Variants in GPR55 observed in about 807,000 individuals in gnomAD.
GPR55 encodes G-protein coupled receptor 55.
Under a neutral mutation model 7.9 loss-of-function variants are expected in GPR55, and 6 were observed. That is an observed-to-expected ratio of 0.76 (90% CI 0.41 to 1.49). The LOEUF is 1.49. Ranked by LOEUF, GPR55 falls within the 40% of genes most tolerant of loss-of-function variation. The probability of loss-of-function intolerance (pLI) is 0.01; values close to 1 mark genes in which losing one functional copy is unlikely to be tolerated. For synonymous variants in GPR55, 183 were observed against 166.8 expected, an observed-to-expected ratio of 1.10 and a Z score of -0.75; for missense variants, 376 against 406.0, an observed-to-expected ratio of 0.93 and a Z score of 0.63.
chr2:230,935,961 T>G (rs1364912454), intron 1 of GPR55, among the ~76,000 whole-genome samples: 1 of 152,220 alleles, frequency 6.6e-6, no homozygotes, highest in Non-Finnish European at 1.5e-5. Flanking sequence ...TTGTATATAC[T>G]GAGGAGTCAT....
chr2:230,910,754 T>C lies in GPR55; in HGVS notation c.209A>G (p.Asp70Gly), dbSNP rs766239089. ...TGGGAGGGAGAGCACCAGCAGCAGG[T>C]CAAAGACTGCCAGGTTGATCATGTA... is the stretch of plus-strand genomic sequence containing the variant. Reference protein sequence around the residue: ...SIYMINLAVFDLLLVLSLPFK... With the variant: ...SIYMINLAVFGLLLVLSLPFK... The change falls in exon 2 of 2, where the codon GAC (aspartate) becomes GGC (glycine). Residue 70 changes from aspartate (D) to glycine (G), a missense_variant. Physicochemically the swap from Asp to Gly is moderately conservative, Grantham distance 94. Coordinates refer to ENST00000650999, the MANE Select transcript of GPR55 (RefSeq NM_005683.4). This position sits in a 1 kb window ranked among gnomAD's most constrained non-coding sequence, Gnocchi z 5.4. 1 of 1,614,018 alleles carries C rather than the reference T, an allele frequency of 6.2e-7. No individual in the cohort carries two copies. The highest frequency in any genetic ancestry group is 1.1e-5 in the South Asian group (1 of 91,080).
intron 1 of GPR55, among the ~76,000 whole-genome samples, chr2:230,954,185 C>T (rs1691445154): frequency 2.6e-5 from 4 of 152,258 alleles, no homozygotes; most frequent in Admixed American, 2.6e-4. Flanking sequence ...CTGCCCCTGG[C>T]ATCAGGTGGA....
At chr2:230,930,812 C>A (rs562286984) in intron 1 of GPR55, among the ~76,000 whole-genome samples, 8 of 152,184 alleles carry the variant, frequency 5.3e-5, no homozygotes, top group Non-Finnish European at 1.2e-4. Context: ...TTGTGTCGTT[C>A]GTCTCCATGA....
In GPR55 at chr2:230,909,740, GT is replaced by G; in HGVS notation, c.*262del. 6 of 444,706 alleles carry G rather than the reference GT, an allele frequency of 1.3e-5. No individual in the cohort carries two copies. Among genetic ancestry groups the G allele is most frequent in the Non-Finnish European group, 2.0e-5 (5 of 247,654 alleles). 27.5% of individuals were successfully genotyped at this position (444,706 alleles called of 1,614,324 possible). ...TCTTTCTCAATTCTTCTGCTCTATA[GT>G]TTTTGGACTTAGAAATCAGTAATTC... is the stretch of plus-strand genomic sequence containing the variant. On this transcript the variant is annotated 3_prime_UTR_variant, in exon 2 of 2. Coordinates refer to ENST00000650999, the MANE Select transcript of GPR55 (RefSeq NM_005683.4).
chr2:230,913,705 C>T (rs1690647214), intron 1 of GPR55, among the ~76,000 whole-genome samples: 1 of 152,140 alleles, frequency 6.6e-6, no homozygotes. Context: ...GAAATGGCCA[C>T]AGGCCTAGCT....
chr2:230,918,018 A>T (rs1425846503), intron 1 of GPR55, among the ~76,000 whole-genome samples: 10 of 152,176 alleles, frequency 6.6e-5, no homozygotes, highest in African/African-American at 2.4e-4. Context: ...CTTTAAGGAC[A>T]TTAAATAAAT....
At chr2:230,955,550 A>C (rs1246057170) in intron 1 of GPR55, among the ~76,000 whole-genome samples, 1 of 152,216 alleles carries the variant, frequency 6.6e-6, no homozygotes, top group Non-Finnish European at 1.5e-5. Context: ...TAGCAGTATC[A>C]CTACTCAAGG....
chr2:230,911,046 C>T lies in GPR55; in HGVS notation c.-84G>A, dbSNP rs563480834. ...GGATTCAAATGACTTTGTCAAGAAT[C>T]ACAAACACCTCCCCAGCATCACACA... is the stretch of plus-strand genomic sequence containing the variant. On this transcript the variant is annotated 5_prime_UTR_variant, in exon 2 of 2. An upstream open reading frame in the 5' UTR loses its in-frame stop. Coordinates refer to ENST00000650999, the MANE Select transcript of GPR55 (RefSeq NM_005683.4). The T allele has an allele frequency of 4.7e-4, 640 of 1,350,578 alleles. 1 individual carries two copies. Among genetic ancestry groups the T allele is most frequent in the Non-Finnish European group, 6.1e-4 (594 of 978,996 alleles). 83.7% of individuals were successfully genotyped at this position (1,350,578 alleles called of 1,614,324 possible). A position where few individuals can be genotyped will look rare whatever the true frequency, so the allele number is the denominator to read the frequency against.
At chr2:230,930,226 A>G (rs1691012997), upstream of GPR55, among the ~76,000 whole-genome samples, 1 of 152,238 alleles carries the variant, frequency 6.6e-6, no homozygotes, top group Non-Finnish European at 1.5e-5. Context: ...GTGTGAGCAG[A>G]TGGTGGACCC....
intron 1 of GPR55, among the ~76,000 whole-genome samples, chr2:230,934,050 G>A (rs1416936194): frequency 6.6e-6 from 1 of 152,150 alleles, no homozygotes; most frequent in African/African-American, 2.4e-5. Context: ...CCTGGGCTCA[G>A]GGTGCTTTCC....
rs1218488419 is a variant in GPR55, at chr2:230,931,529, C to T, written c.-134-20433G>A. 3.3e-5 allele frequency among the ~76,000 whole-genome samples: 5 copies of T among 152,258 alleles called. No individual in the cohort carries two copies. In the East Asian group the frequency reaches 9.6e-4, roughly 29 times the overall value. ...CCTCACCAACCCCATGAGGCAGGACCCACAGGCACTCCCACTTTACAGGGT... is the reference window on the plus strand; with the variant it reads ...CCTCACCAACCCCATGAGGCAGGACTCACAGGCACTCCCACTTTACAGGGT... On this transcript the variant is annotated intron_variant, in intron 1 of 1. Coordinates refer to the GPR55 transcript ENST00000392039.
intron 1 of GPR55, among the ~76,000 whole-genome samples, chr2:230,953,479 T>TG (rs1332756153): frequency 2.0e-5 from 3 of 152,192 alleles, no homozygotes; most frequent in Non-Finnish European, 2.9e-5. Flanking sequence ...GAACTGGCTC[T>TG]GGAAGCTGGA....
At chr2:230,945,934 C>T (rs1691306368) in intron 1 of GPR55, among the ~76,000 whole-genome samples, 1 of 152,112 alleles carries the variant, frequency 6.6e-6, no homozygotes, top group Admixed American at 6.5e-5. Context: ...AAAAAGTGTC[C>T]TTTTTATTCA....
rs1193174674 is a variant in GPR55, at chr2:230,957,644, C to T, written c.-135+3131G>A. On this transcript the variant is annotated intron_variant, in intron 1 of 1. Coordinates refer to the GPR55 transcript ENST00000392039. ...GCCCGCGAAGGGGAAGCTCTTTAAG[C>T]TCCTAGGCATTTCAGGTGTTGAAAA... is the stretch of plus-strand genomic sequence containing the variant. 5.6e-6 allele frequency: 3 copies of T among 536,870 alleles called. No homozygotes were observed. In the African/African-American group the frequency reaches 5.8e-5, roughly 10 times the overall value. The allele number at this position is 536,870 out of a possible 1,614,324, so 33.3% of individuals were successfully genotyped here.
chr2:230,952,099 A>T (rs913384188), intron 1 of GPR55, among the ~76,000 whole-genome samples: 3 of 152,060 alleles, frequency 2.0e-5, no homozygotes, highest in African/African-American at 7.2e-5. Context: ...AGGGGGGGTT[A>T]CTAGACCTCA....
At chr2:230,945,459 G>A (rs1691298973) in intron 1 of GPR55, among the ~76,000 whole-genome samples, 1 of 152,184 alleles carries the variant, frequency 6.6e-6, no homozygotes, top group Non-Finnish European at 1.5e-5. Context: ...AATGCAACCC[G>A]CGCCCTTATT....
chr2:230,939,779 G>A (rs1218810896), intron 1 of GPR55, among the ~76,000 whole-genome samples: 11 of 152,102 alleles, frequency 7.2e-5, no homozygotes, highest in Admixed American at 5.9e-4. Flanking sequence ...GAAGTTGAAC[G>A]GCCAGCCGGC....
upstream of GPR55, among the ~76,000 whole-genome samples, chr2:230,927,044 T>C (rs1445362014): frequency 1.3e-5 from 2 of 152,234 alleles, no homozygotes; most frequent in East Asian, 3.8e-4. Context: ...TGTTGCAATA[T>C]TAAAATTTTT....
intron 1 of GPR55, among the ~76,000 whole-genome samples, chr2:230,913,701 G>A (rs1393559582): frequency 6.6e-6 from 1 of 152,134 alleles, no homozygotes; most frequent in Admixed American, 6.5e-5. Flanking sequence ...TGCTGAAATG[G>A]CCACAGGCCT....
Sources: gnomAD v4.1 joint callset for allele counts (sites outside exome capture counted in the v4.1 genomes callset) on GRCh38, gnomAD v4.1.1 for gene constraint, Gnocchi (gnomAD v3.1) non-coding constraint, MANE v1.5 for transcripts, NCBI Gene and HGNC (gene_info 2026-07-23, HGNC 2026-07-21) for gene names.